TRPC7: variants seen among roughly 807,000 people sequenced by gnomAD.
The protein encoded by TRPC7 is transient receptor potential cation channel subfamily C member 7.
TRPC7 carries 42 observed loss-of-function variants against 90.1 expected under a neutral mutation model. The observed-to-expected ratio is 0.47, with a 90% CI of 0.36 to 0.60. The LOEUF (loss-of-function observed/expected upper bound fraction) is 0.60. TRPC7 is among the 20% of genes least tolerant of loss of function. The pLI, the probability that TRPC7 is intolerant of heterozygous loss-of-function variation, is 0.00. For synonymous variants in TRPC7, 451 were observed against 436.3 expected (o/e 1.03, Z -0.42); for missense variants, 955 against 1,112.3 (o/e 0.86, Z 2.01).
chr5:136,316,798 A>G (rs1580946847), intron 2 of TRPC7, among the ~76,000 whole-genome samples: 1 of 152,226 alleles, frequency 6.6e-6, no homozygotes. Context: ...AGTTGAAAAG[A>G]GTCTATTCAG....
chr5:136,360,230 C>T (rs1001588672), intron 1 of TRPC7, among the ~76,000 whole-genome samples: 2 of 152,148 alleles, frequency 1.3e-5, no homozygotes, highest in South Asian at 4.1e-4. Flanking sequence ...ATCATAGACA[C>T]TGCAGCCTAC....
At chr5:136,218,167 A>T (rs940008858) in intron 10 of TRPC7, among the ~76,000 whole-genome samples, 2 of 146,436 alleles carry the variant, frequency 1.4e-5, no homozygotes, top group Non-Finnish European at 3.0e-5. Flanking sequence ...AAAATATATA[A>T]TATATATCTC....
rs547936073 is a variant in TRPC7 at position 136,251,628 on chromosome 5, G to A, written c.1579+21C>T. 20 of 1,568,138 alleles carry A rather than the reference G, an allele frequency of 1.3e-5. No homozygotes were observed. In the Middle Eastern group the frequency reaches 5.0e-4, roughly 39 times the overall value. ...TCCCGGAAGCGCCAAAATGGAGTAGGGGAAGCACTCTCCGACTCACCGTAG... is the reference window on the plus strand; with the variant it reads ...TCCCGGAAGCGCCAAAATGGAGTAGAGGAAGCACTCTCCGACTCACCGTAG... On this transcript the variant is annotated intron_variant, in intron 6 of 11. Coordinates refer to ENST00000513104, the MANE Select transcript of TRPC7 (RefSeq NM_020389.3).
Position 136,251,650 on chromosome 5 carries a change from G to C in TRPC7, c.1578C>G (p.Tyr526Ter). 1 of 1,601,058 alleles carries C rather than the reference G, an allele frequency of 6.2e-7. No homozygotes were observed. The highest frequency in any genetic ancestry group is 1.1e-5 in the South Asian group (1 of 89,978). The change falls in exon 6 of 12, where the codon TAC becomes TAG. Residue 526 changes from tyrosine to a stop codon, truncating the protein, a stop_gained and splice_region_variant. Coordinates refer to ENST00000513104, the MANE Select transcript of TRPC7 (RefSeq NM_020389.3). LOFTEE classifies it high-confidence loss of function. The stretch of plus-strand genomic sequence containing the variant: ...TAGGGGAAGCACTCTCCGACTCACC[G>C]TAGGTGAAGTATGCCACTTCCGGCG... The part of the protein sequence containing the change: ...SLPPEVAYFT[Y>*]ARDKWWPSDP...
chr5:136,297,534 T>C (rs1758225497), intron 3 of TRPC7, among the ~76,000 whole-genome samples: 1 of 152,138 alleles, frequency 6.6e-6, no homozygotes, highest in South Asian at 2.1e-4. Context: ...TTTGTAATAC[T>C]TATACTTCTG....
chr5:136,331,671 G>A (rs186109977), intron 2 of TRPC7, among the ~76,000 whole-genome samples: 2 of 152,108 alleles, frequency 1.3e-5, no homozygotes, highest in Non-Finnish European at 2.9e-5. Flanking sequence ...AAGTTGTTCC[G>A]CTCAGTTCAG....
intron 10 of TRPC7, among the ~76,000 whole-genome samples, chr5:136,220,213 CA>C (rs1352194288): frequency 6.6e-6 from 1 of 152,130 alleles, no homozygotes; most frequent in Non-Finnish European, 1.5e-5. Flanking sequence ...AACAGAATAA[CA>C]GCGATTTTCA....
intron 7 of TRPC7, among the ~76,000 whole-genome samples, chr5:136,240,101 C>T (rs1561683480): frequency 6.6e-6 from 1 of 152,216 alleles, no homozygotes; most frequent in Non-Finnish European, 1.5e-5. Context: ...CTAGCTCCCA[C>T]CTGATGCTCT....
chr5:136,270,096 C>T (rs535573605), intron 4 of TRPC7, among the ~76,000 whole-genome samples: 3 of 152,216 alleles, frequency 2.0e-5, no homozygotes, highest in South Asian at 2.1e-4. Context: ...ATTTCAAGGT[C>T]GGTTAGTCAG....
At chr5:136,333,382 A>T (rs1759557795) in intron 2 of TRPC7, among the ~76,000 whole-genome samples, 2 of 152,234 alleles carry the variant, frequency 1.3e-5, no homozygotes, top group Admixed American at 1.3e-4. Context: ...TTATACAGGG[A>T]ACTATGCAAG....
At chr5:136,264,995 G>A (rs1756977072) in intron 5 of TRPC7, among the ~76,000 whole-genome samples, 1 of 152,116 alleles carries the variant, frequency 6.6e-6, no homozygotes, top group African/African-American at 2.4e-5. Flanking sequence ...TTTAGAGATC[G>A]AATTTAGAGA....
intron 1 of TRPC7, among the ~76,000 whole-genome samples, chr5:136,364,862 C>T (rs1581002221): frequency 6.6e-6 from 1 of 152,086 alleles, no homozygotes; most frequent in African/African-American, 2.4e-5. Flanking sequence ...AGAATATAAC[C>T]CTCTCCCTTC....
chr5:136,307,619 C>T (rs1035551830), intron 3 of TRPC7, among the ~76,000 whole-genome samples: 11 of 152,186 alleles, frequency 7.2e-5, no homozygotes, highest in African/African-American at 2.7e-4. Flanking sequence ...CTCCCCCTCC[C>T]CCTTCCTCCA....
intron 3 of TRPC7, among the ~76,000 whole-genome samples, chr5:136,285,550 G>A (rs1757686257): frequency 6.6e-6 from 1 of 152,144 alleles, no homozygotes. Context: ...AAAGCCATCT[G>A]GAGCTATGCA....
chr5:136,292,469 C>T (rs573617283), intron 3 of TRPC7, among the ~76,000 whole-genome samples: 47 of 152,324 alleles, frequency 3.1e-4, no homozygotes, highest in African/African-American at 1.1e-3. Flanking sequence ...GATATCACCA[C>T]TGATCCCACA....
intron 7 of TRPC7, among the ~76,000 whole-genome samples, chr5:136,243,995 A>G (rs764558052): frequency 5.9e-5 from 9 of 151,644 alleles, no homozygotes; most frequent in Middle Eastern, 3.4e-3. Flanking sequence ...GCCTTTCCCC[A>G]TCACTCTTCC....
chr5:136,223,380 G>C (rs566797514), intron 10 of TRPC7, among the ~76,000 whole-genome samples: 1 of 152,148 alleles, frequency 6.6e-6, no homozygotes, highest in Non-Finnish European at 1.5e-5. Context: ...TTGGGAGGCC[G>C]AGGCAGGTGG....
At chr5:136,354,192 C>A (rs1478358548) in intron 2 of TRPC7, among the ~76,000 whole-genome samples, 1 of 152,184 alleles carries the variant, frequency 6.6e-6, no homozygotes, top group Non-Finnish European at 1.5e-5. Flanking sequence ...GAGCAACAAG[C>A]AAAGTTCAAC....
chr5:136,348,627 T>C (rs1326169550), intron 2 of TRPC7, among the ~76,000 whole-genome samples: 20 of 152,238 alleles, frequency 1.3e-4, no homozygotes, highest in Non-Finnish European at 4.4e-5. Flanking sequence ...AGCATCCAAC[T>C]CAGAGCCTTG....
Sources: allele counts gnomAD v4.1 joint callset (sites outside exome capture counted in the v4.1 genomes callset), GRCh38; gene constraint gnomAD v4.1.1; transcripts MANE v1.5; gene names NCBI Gene and HGNC (gene_info 2026-07-23, HGNC 2026-07-21).